DCUN1D1: variants seen among roughly 807,000 people sequenced by gnomAD.
DCUN1D1 encodes the protein DCN1-like protein 1.
Under a neutral mutation model 39.0 loss-of-function variants are expected in DCUN1D1, and 3 were observed. The observed-to-expected ratio is 0.08, with a 90% CI of 0.04 to 0.20. DCUN1D1 has a LOEUF of 0.20. DCUN1D1 is among the 10% of genes least tolerant of loss of function. The pLI is 1.00. For missense variants in DCUN1D1, 158 were observed against 302.4 expected (o/e 0.52, Z 3.54); for synonymous variants, 82 against 96.3 (o/e 0.85, Z 0.87).
At chr3:182,949,214 T>C (rs1303699826) in intron 4 of DCUN1D1, among the ~76,000 whole-genome samples, 1 of 150,660 alleles carries the variant, frequency 6.6e-6, no homozygotes, top group Non-Finnish European at 1.5e-5. Context: ...TACAAAAAAA[T>C]TAGCTGGGCG....
At chr3:182,955,495 A>G (rs1023769207) in intron 4 of DCUN1D1, 10 of 536,052 alleles carry the variant, frequency 1.9e-5, no homozygotes, top group African/African-American at 1.6e-4. Flanking sequence ...GTAAACATTT[A>G]ACACATTTTT....
intron 6 of DCUN1D1, among the ~76,000 whole-genome samples, chr3:182,945,742 G>A (rs749849663): frequency 6.6e-6 from 1 of 152,156 alleles, no homozygotes; most frequent in African/African-American, 2.4e-5. Context: ...AACAGGAAGT[G>A]TCAAATTCCA....
intron 1 of DCUN1D1, among the ~76,000 whole-genome samples, chr3:182,973,053 G>C (rs546412080): frequency 3.9e-5 from 6 of 152,134 alleles, no homozygotes; most frequent in African/African-American, 9.6e-5. Flanking sequence ...AAAAAAAAAG[G>C]GGGGGGCTCT....
intron 3 of DCUN1D1, among the ~76,000 whole-genome samples, chr3:182,961,635 CTAG>C (rs1159459648): frequency 1.3e-5 from 2 of 152,176 alleles, no homozygotes; most frequent in African/African-American, 2.4e-5. Flanking sequence ...AACACTTTCA[CTAG>C]TAGAAGTCAG....
At chr3:182,957,325 G>A (rs1727124603) in intron 4 of DCUN1D1, among the ~76,000 whole-genome samples, 1 of 152,164 alleles carries the variant, frequency 6.6e-6, no homozygotes. Context: ...TAAGATTCAG[G>A]CAATTATCAG....
At chr3:182,984,082 T>A (rs1577213227), upstream of DCUN1D1, among the ~76,000 whole-genome samples, 4 of 152,348 alleles carry the variant, frequency 2.6e-5, no homozygotes, top group Admixed American at 2.6e-4. Context: ...TGCTACATAG[T>A]CACAGTGGGA....
At chr3:182,955,592 T>TTC (rs1326673572) in intron 4 of DCUN1D1, 2 of 444,836 alleles carry the variant, frequency 4.5e-6, no homozygotes, top group African/African-American at 4.5e-5. Flanking sequence ...TCAGGAGGGT[T>TTC]TTTTTTTTTG....
At position 182,940,753 on chromosome 3, in the gene DCUN1D1, G is replaced by T. The variant is rs1204880157; in HGVS notation, c.*4341C>A. The T allele has an allele frequency of 6.6e-6, 1 of 152,134 alleles. No homozygotes were observed. The highest frequency in any genetic ancestry group is 2.4e-5 in the African/African-American group (1 of 41,442). The allele number at this position is 152,134 out of a possible 1,614,324, so 9.4% of individuals were successfully genotyped here. ...TCTGAAGTATTACAAGCTACATTAT[G>T]ATTTCTGCACAGCATGATGGCAAAA... On this transcript the variant is annotated 3_prime_UTR_variant, in exon 7 of 7. Transcript: ENST00000292782.
At chr3:182,980,964 C>T (rs1323674950), upstream of DCUN1D1, 3 of 152,132 alleles carry the variant, frequency 2.0e-5, no homozygotes, top group African/African-American at 4.8e-5. Context: ...GAGCTTCATC[C>T]ATCCCAGACC....
chr3:182,966,846 C>T (rs147095861), intron 1 of DCUN1D1, among the ~76,000 whole-genome samples: 4,908 of 152,268 alleles, frequency 0.032, 272 homozygotes, highest in African/African-American at 0.11. Flanking sequence ...GTGGCTCACG[C>T]CTGTAATCCC....
At chr3:182,958,350 C>G (rs1727204128) in intron 4 of DCUN1D1, among the ~76,000 whole-genome samples, 1 of 151,940 alleles carries the variant, frequency 6.6e-6, no homozygotes, top group Non-Finnish European at 1.5e-5. Context: ...ATACCCTCTT[C>G]CCTAGTCAGT....
chr3:182,980,436 G>T, intron 1 of DCUN1D1, 51 bp downstream of exon 1: 1 of 1,052,648 alleles, frequency 9.5e-7, no homozygotes. Flanking sequence ...GGGGTGCGCG[G>T]CAGCGCCGGC....
intron 1 of DCUN1D1, among the ~76,000 whole-genome samples, chr3:182,970,186 C>G (rs535638670): frequency 2.0e-5 from 3 of 152,080 alleles, no homozygotes; most frequent in African/African-American, 7.2e-5. Context: ...ATCACTTGAG[C>G]CCAAGAGTTC....
chr3:182,946,561 A>C (rs1360900958), intron 6 of DCUN1D1, among the ~76,000 whole-genome samples: 7 of 149,746 alleles, frequency 4.7e-5, no homozygotes, highest in Non-Finnish European at 6.0e-5. Context: ...CATCTCAAAA[A>C]AAAAAAAAAA....
At chr3:182,947,212 A>C (rs751856100) in intron 6 of DCUN1D1, 26 bp downstream of exon 6, 7 of 1,393,342 alleles carry the variant, frequency 5.0e-6, no homozygotes, top group Admixed American at 4.0e-5. Context: ...ATTAAAAAAA[A>C]GTGGTGTGGC....
At chr3:182,960,596 T>C (rs1164127012) in intron 4 of DCUN1D1, among the ~76,000 whole-genome samples, 4 of 152,230 alleles carry the variant, frequency 2.6e-5, no homozygotes, top group Non-Finnish European at 5.9e-5. Context: ...AACCCTTACA[T>C]ACTTTTATTA....
intron 4 of DCUN1D1, 61 bp downstream of exon 4, chr3:182,961,165 G>GTCTATT: frequency 8.7e-7 from 1 of 1,150,494 alleles, no homozygotes; most frequent in Non-Finnish European, 1.2e-6. Flanking sequence ...TTACAAAAAC[G>GTCTATT]ACACTGTCAA....
intron 1 of DCUN1D1, among the ~76,000 whole-genome samples, chr3:182,967,621 A>G (rs1376146615): frequency 6.6e-6 from 1 of 152,234 alleles, no homozygotes; most frequent in African/African-American, 2.4e-5. Context: ...TTAAGAAACT[A>G]TAAATTCACT....
chr3:182,960,407 C>A lies in DCUN1D1; in HGVS notation c.520+819G>T, dbSNP rs182988418. Among the ~76,000 whole-genome samples, 122 of 152,340 alleles carry A rather than the reference C, an allele frequency of 8.0e-4. 1 individual carries two copies. The highest frequency in any genetic ancestry group is 1.9e-4 in the Non-Finnish European group (13 of 68,030). On this transcript the variant is annotated intron_variant, in intron 4 of 6. Coordinates refer to ENST00000292782, the MANE Select transcript of DCUN1D1 (RefSeq NM_020640.4). The stretch of plus-strand genomic sequence containing the variant: ...CATTAAAATCAAACCAACAACTTCT[C>A]TCCTGCACAAAGCCAAGCTTATTGC...
Sources: allele counts gnomAD v4.1 joint callset (sites outside exome capture counted in the v4.1 genomes callset), GRCh38; gene constraint gnomAD v4.1.1; transcripts MANE v1.5; gene names NCBI Gene and HGNC (gene_info 2026-07-23, HGNC 2026-07-21).